Variants in MAST2 observed in about 807,000 individuals in gnomAD.
MAST2 encodes the protein microtubule associated serine/threonine kinase 2.
Under a neutral mutation model 147.4 loss-of-function variants are expected in MAST2, and 70 were observed. That is an observed-to-expected ratio of 0.47 (90% confidence interval 0.39 to 0.58). The LOEUF (loss-of-function observed/expected upper bound fraction) is 0.58, where lower values mean the gene tolerates loss of function less well. MAST2 is among the 20% of genes least tolerant of loss of function. The probability of loss-of-function intolerance (pLI) is 0.00; values close to 1 mark genes in which losing one functional copy is unlikely to be tolerated. For missense variants in MAST2, 2,080 were observed against 2,302.3 expected (o/e 0.90, Z 1.98); for synonymous variants, 869 against 896.8 (o/e 0.97, Z 0.55).
At chr1:45,993,300 C>T (rs1644919922) in intron 5 of MAST2, among the ~76,000 whole-genome samples, 3 of 152,068 alleles carry the variant, frequency 2.0e-5, no homozygotes, top group Admixed American at 2.0e-4. Flanking sequence ...ATTTTTAAAA[C>T]ATTTTTTTGT....
At chr1:45,825,633 A>C (rs1217421821) in intron 2 of MAST2, among the ~76,000 whole-genome samples, 4 of 149,600 alleles carry the variant, frequency 2.7e-5, no homozygotes, top group African/African-American at 9.8e-5. Context: ...GGGTTTCACC[A>C]TGTTGGCCAG....
intron 10 of MAST2, among the ~76,000 whole-genome samples, chr1:46,013,429 C>A (rs558071772): frequency 7.5e-4 from 114 of 152,136 alleles, no homozygotes; most frequent in African/African-American, 2.5e-3. Flanking sequence ...TCCTGTAATC[C>A]CAGCACTTTG....
chr1:46,035,750 CT>C lies in MAST2; in HGVS notation c.5082del (p.Lys1695ArgfsTer41), dbSNP rs754002795. On this transcript the variant is annotated frameshift_variant, in exon 29 of 29. Coordinates refer to ENST00000361297, the MANE Select transcript of MAST2 (RefSeq NM_015112.3). LOFTEE classifies it low-confidence loss of function (END_TRUNC). The surrounding 1 kb of genome is among the most constrained non-coding windows in gnomAD (Gnocchi z 5.5). ...QDLENTTPAQ[P>X]KNLSPREQGK... ...TTGGAAAACACAACTCCAGCCCAGC[CT>C]AAGAACCTGTCTCCCAGGGAGCAGG... 2.6e-5 allele frequency: 42 copies of C among 1,613,952 alleles called. No individual in the cohort carries two copies. Among genetic ancestry groups the C allele is most frequent in the Middle Eastern group, 1.6e-4 (1 of 6,084 alleles).
rs532660267 is a variant in MAST2, at chr1:45,842,939, C to A, written c.468+13358C>A. Among the ~76,000 whole-genome samples the A allele has an allele frequency of 2.0e-5, 3 of 152,216 alleles. No homozygotes were observed. The East Asian group carries it at 5.8e-4, about 29-fold the overall frequency. Reference sequence around the variant, plus strand: ...TTCAGTTTCTCTATATCTTTGTCAACTTGTTATATTCCATTTAAAAAATTA... The same window carrying A: ...TTCAGTTTCTCTATATCTTTGTCAAATTGTTATATTCCATTTAAAAAATTA... On this transcript the variant is annotated intron_variant, in intron 3 of 28. Transcript: ENST00000361297.
chr1:45,964,693 AG>A (rs1374962882), intron 5 of MAST2, among the ~76,000 whole-genome samples: 31 of 152,014 alleles, frequency 2.0e-4, no homozygotes, highest in Admixed American at 1.1e-3. Flanking sequence ...ATTTTTTTGA[AG>A]GGTTTTTTTG....
chr1:45,878,327 G>A (rs1366829937), intron 3 of MAST2, among the ~76,000 whole-genome samples: 1 of 152,004 alleles, frequency 6.6e-6, no homozygotes, highest in Non-Finnish European at 1.5e-5. Flanking sequence ...CATTTCAGTA[G>A]ATGCAGAGAA....
intron 22 of MAST2, 108 bp downstream of exon 22, chr1:46,030,869 G>A: frequency 6.8e-7 from 1 of 1,469,686 alleles, no homozygotes; most frequent in Non-Finnish European, 9.1e-7. Context: ...GCAGGGAGGG[G>A]GCATTCACAA....
chr1:45,818,175 C>T (rs1018107074), intron 1 of MAST2, among the ~76,000 whole-genome samples: 7 of 152,078 alleles, frequency 4.6e-5, no homozygotes, highest in Admixed American at 4.6e-4. Context: ...TTTTGTTGAC[C>T]AATGCTGGTG....
intron 5 of MAST2, among the ~76,000 whole-genome samples, chr1:45,978,858 C>G (rs558408324): frequency 6.6e-6 from 1 of 151,234 alleles, no homozygotes; most frequent in African/African-American, 2.4e-5. Flanking sequence ...TGCTAACACT[C>G]GAGTAGAGGG....
chr1:45,817,461 A>T (rs1396616563), intron 1 of MAST2, among the ~76,000 whole-genome samples: 1 of 152,222 alleles, frequency 6.6e-6, no homozygotes, highest in African/African-American at 2.4e-5. Context: ...CTTCTACCCT[A>T]GAATAGTATA....
intron 3 of MAST2, 43 bp downstream of exon 3, chr1:45,829,624 A>T (rs780724125): frequency 6.4e-7 from 1 of 1,567,144 alleles, no homozygotes; most frequent in Non-Finnish European, 8.7e-7. Context: ...TGAAAAATCC[A>T]TAATTGTCAT....
intron 4 of MAST2, among the ~76,000 whole-genome samples, chr1:45,955,572 T>C: frequency 6.6e-6 from 1 of 152,004 alleles, no homozygotes; most frequent in African/African-American, 2.4e-5. Context: ...TTAAATAGAA[T>C]GATCGGGGAA....
chr1:45,992,304 A>G (rs572963138), intron 5 of MAST2, among the ~76,000 whole-genome samples: 3 of 152,258 alleles, frequency 2.0e-5, no homozygotes. Context: ...TGATGTGACC[A>G]TATGATTTTT....
chr1:46,029,483 G>T lies in MAST2; in HGVS notation c.2236G>T (p.Glu746Ter). 6.2e-7 allele frequency: 1 copy of T among 1,614,002 alleles called. No individual in the cohort carries two copies. The highest frequency in any genetic ancestry group is 8.5e-7 in the Non-Finnish European group (1 of 1,179,912). ...GACTTCAGATGAGATTGTGTGGCCT[G>T]AGGGTGATGAGGCACTGCCCCCAGA... ...QVISDEIVWP[E>*]GDEALPPDAQ... Residue 746 changes from glutamate (E) to a stop codon, truncating the protein, a stop_gained, in exon 19 of 29, where the codon GAG (glutamate) becomes TAG (stop). Coordinates refer to ENST00000361297, the MANE Select transcript of MAST2 (RefSeq NM_015112.3). LOFTEE classifies it high-confidence loss of function.
intron 1 of MAST2, among the ~76,000 whole-genome samples, chr1:45,822,179 G>A (rs374119062): frequency 1.3e-5 from 2 of 151,996 alleles, no homozygotes; most frequent in East Asian, 3.9e-4. Context: ...ATGAGCCACC[G>A]TGCCTGGCTA....
chr1:45,926,685 G>A (rs868560795), intron 4 of MAST2, among the ~76,000 whole-genome samples: 1 of 152,164 alleles, frequency 6.6e-6, no homozygotes, highest in African/African-American at 2.4e-5. Context: ...CAGGGAAAGC[G>A]CATCTTGAGA....
intron 6 of MAST2, among the ~76,000 whole-genome samples, chr1:45,998,498 A>G (rs2149164143): frequency 6.6e-6 from 1 of 152,376 alleles, no homozygotes; most frequent in African/African-American, 2.4e-5. Context: ...AATCCATCCA[A>G]ATCACATACC....
intron 2 of MAST2, 78 bp from the exon 3 acceptor site, chr1:45,829,361 A>T (rs1644884379): frequency 1.6e-6 from 2 of 1,289,934 alleles, no homozygotes; most frequent in African/African-American, 3.0e-5. Flanking sequence ...TATCCACTTG[A>T]TATCACTGTA....
intron 9 of MAST2, among the ~76,000 whole-genome samples, chr1:46,009,150 G>T (rs1282010218): frequency 6.6e-6 from 1 of 152,170 alleles, no homozygotes; most frequent in Non-Finnish European, 1.5e-5. Flanking sequence ...TGCCTCCGGG[G>T]TTCAGACAAT....
Sources: allele counts gnomAD v4.1 joint callset (sites outside exome capture counted in the v4.1 genomes callset), GRCh38; gene constraint gnomAD v4.1.1; non-coding constraint Gnocchi (gnomAD v3.1); transcripts MANE v1.5; gene names NCBI Gene and HGNC (gene_info 2026-07-23, HGNC 2026-07-21).